The following NHS variants were observed in gnomAD, a reference collection of about 807,000 sequenced individuals.
The protein encoded by NHS is actin remodeling regulator NHS.
NHS carries 5 observed loss-of-function variants against 72.5 expected under a neutral mutation model. The ratio of observed to expected loss-of-function variants is 0.07; its 90% CI spans 0.04 to 0.14. The LOEUF (loss-of-function observed/expected upper bound fraction) is 0.14. NHS is among the 10% of genes least tolerant of loss of function. The pLI is 1.00. For synonymous variants in NHS, 464 were observed against 547.7 expected (o/e 0.85, Z 2.13); for missense variants, 1,072 against 1,355.7 (o/e 0.79, Z 3.29).
chrX:17,537,023 A>G (rs1430697264), intron 1 of NHS, among the ~76,000 whole-genome samples: 3 of 112,362 alleles, frequency 2.7e-5, no homozygotes, highest in Non-Finnish European at 5.6e-5. Flanking sequence ...CATGAAATGT[A>G]TTGAAATAGC....
At chrX:17,610,387 C>T (rs758220997) in intron 1 of NHS, among the ~76,000 whole-genome samples, 4 of 112,354 alleles carry the variant, frequency 3.6e-5, no homozygotes, top group Non-Finnish European at 7.5e-5. Flanking sequence ...GACTGATCAA[C>T]ACAAAATAAA....
rs145488240 is a variant in NHS, at chrX:17,475,840, G to A, written c.565+99518G>A. ...CACTTCCCTTCCTGCCCCTCGCCTCGTCCTTTTCCTATCTCCAGCCACCTT... is the reference window on the plus strand; with the variant it reads ...CACTTCCCTTCCTGCCCCTCGCCTCATCCTTTTCCTATCTCCAGCCACCTT... On this transcript the variant is annotated intron_variant, in intron 1 of 8. Transcript: ENST00000676302. Among the ~76,000 whole-genome samples the A allele has an allele frequency of 3.8e-4, 42 of 111,857 alleles. No individual in the cohort carries two copies. In the South Asian group the frequency reaches 6.3e-3, roughly 17 times the overall value.
At chrX:17,532,766 C>T (rs774117708) in intron 1 of NHS, among the ~76,000 whole-genome samples, 1 of 111,574 alleles carries the variant, frequency 9.0e-6, no homozygotes, top group East Asian at 2.9e-4. Flanking sequence ...TGGATTGATT[C>T]ATTTACATAG....
chrX:17,419,598 C>T (rs950333760), intron 1 of NHS, among the ~76,000 whole-genome samples: 4 of 110,386 alleles, frequency 3.6e-5, no homozygotes, highest in African/African-American at 1.3e-4. Flanking sequence ...TATATGTGCC[C>T]ATGTGTGCAT....
At chrX:17,430,347 CTTTCTT>C (rs2064688348) in intron 1 of NHS, among the ~76,000 whole-genome samples, 1 of 81,897 alleles carries the variant, frequency 1.2e-5, no homozygotes, top group Non-Finnish European at 2.4e-5. Flanking sequence ...CTCTTTCTTT[CTTTCTT>C]TTTCTTCTTT....
At chrX:17,718,475 GAAGA>G (rs1366098063) in intron 3 of NHS, among the ~76,000 whole-genome samples, 4 of 93,974 alleles carry the variant, frequency 4.3e-5, no homozygotes, top group Non-Finnish European at 6.4e-5. Flanking sequence ...AGGAGAGAAG[GAAGA>G]AAGGAAGGAA....
chrX:17,593,520 T>A (rs1177065998), intron 1 of NHS, among the ~76,000 whole-genome samples: 1 of 110,753 alleles, frequency 9.0e-6, no homozygotes, highest in Non-Finnish European at 1.9e-5. Context: ...TCTTTCAGGC[T>A]GCAGCAACTT....
At chrX:17,434,594 C>T (rs143978266) in intron 1 of NHS, among the ~76,000 whole-genome samples, 5,157 of 109,397 alleles carry the variant, frequency 0.047, 351 homozygotes, top group African/African-American at 0.16. Context: ...CAGGTGCCCA[C>T]CACCACGCCC....
intron 1 of NHS, among the ~76,000 whole-genome samples, chrX:17,530,834 C>T (rs908857523): frequency 1.1e-4 from 12 of 110,823 alleles, no homozygotes; most frequent in Admixed American, 6.7e-4. Flanking sequence ...GTTTGGGTAC[C>T]GTGGCACAAT....
intron 1 of NHS, among the ~76,000 whole-genome samples, chrX:17,573,432 C>T (rs1400303145): frequency 9.2e-6 from 1 of 109,208 alleles, no homozygotes. Context: ...TTAATTTGAT[C>T]TTCAATCACT....
chrX:17,647,098 G>T (rs751982762), intron 1 of NHS, among the ~76,000 whole-genome samples: 1 of 111,529 alleles, frequency 9.0e-6, no homozygotes, highest in East Asian at 2.8e-4. Flanking sequence ...AAAGAGAAAA[G>T]AAATTATTCA....
chrX:17,523,149 G>T (rs771197060), intron 1 of NHS, among the ~76,000 whole-genome samples: 1 of 112,405 alleles, frequency 8.9e-6, no homozygotes, highest in East Asian at 2.8e-4. Flanking sequence ...TGCTCATGGA[G>T]CTGGAATATG....
At chrX:17,594,746 G>A (rs1182710559) in intron 1 of NHS, among the ~76,000 whole-genome samples, 1 of 112,795 alleles carries the variant, frequency 8.9e-6, no homozygotes, top group East Asian at 2.8e-4. Context: ...CTCTCAGAAG[G>A]GGCATAAGGG....
intron 1 of NHS, among the ~76,000 whole-genome samples, chrX:17,550,944 C>T (rs984042171): frequency 2.0e-4 from 22 of 110,989 alleles, no homozygotes; most frequent in Non-Finnish European, 3.2e-4. Context: ...TCCTGCTGGC[C>T]CTAGAACACA....
chrX:17,537,868 G>A (rs1357489998), intron 1 of NHS, among the ~76,000 whole-genome samples: 1 of 111,709 alleles, frequency 9.0e-6, no homozygotes, highest in Non-Finnish European at 1.9e-5. Flanking sequence ...CTGGGGGCAC[G>A]CGACGCCTGA....
intron 1 of NHS, among the ~76,000 whole-genome samples, chrX:17,436,589 AG>A (rs1486383069): frequency 9.4e-6 from 1 of 106,480 alleles, no homozygotes; most frequent in African/African-American, 3.5e-5. Flanking sequence ...TTTTGCCGGG[AG>A]ATTCTTGATA....
At chrX:17,690,806 T>C (rs1383195433) in intron 2 of NHS, among the ~76,000 whole-genome samples, 1 of 112,190 alleles carries the variant, frequency 8.9e-6, no homozygotes, top group East Asian at 2.8e-4. Flanking sequence ...TCTGATTACT[T>C]TTTTTCCCCC....
chrX:17,677,219 G>A lies in NHS; in HGVS notation c.566-10523G>A, dbSNP rs924755893. Among the ~76,000 whole-genome samples the A allele has an allele frequency of 4.5e-5, 5 of 112,204 alleles. 1 individual carries two copies. In the East Asian group the frequency reaches 8.4e-4, roughly 19 times the overall value. On this transcript the variant is annotated intron_variant, in intron 1 of 8. Coordinates refer to ENST00000676302, the MANE Select transcript of NHS (RefSeq NM_001291867.2). ...CAATGGTGTGGTTTGTATCCATACA[G>A]CCTCACATACAATGATGGTTCCTGG...
chrX:17,550,703 C>T (rs999015211), intron 1 of NHS, among the ~76,000 whole-genome samples: 2 of 112,084 alleles, frequency 1.8e-5, no homozygotes, highest in South Asian at 3.7e-4. Flanking sequence ...CTTCCCACTT[C>T]CCCCTCTGCC....
Sources: gnomAD v4.1 joint callset for allele counts (sites outside exome capture counted in the v4.1 genomes callset) on GRCh38, gnomAD v4.1.1 for gene constraint, MANE v1.5 for transcripts, NCBI Gene and HGNC (gene_info 2026-07-23, HGNC 2026-07-21) for gene names.